The following CDH13 variants were observed in gnomAD, a reference collection of about 807,000 sequenced individuals.
CDH13 encodes cadherin-13.
Under a neutral mutation model 63.8 loss-of-function variants are expected in CDH13, and 24 were observed. The ratio of observed to expected loss-of-function variants is 0.38; its 90% confidence interval spans 0.27 to 0.53. The LOEUF is 0.53. CDH13 is among the 20% of genes least tolerant of loss of function. CDH13 has a pLI of 0.85. For synonymous variants in CDH13, 503 were observed against 355.3 expected, an observed-to-expected ratio of 1.42 and a Z score of -4.67; for missense variants, 1,049 against 903.1, an observed-to-expected ratio of 1.16 and a Z score of -2.07.
intron 1 of CDH13, among the ~76,000 whole-genome samples, chr16:82,746,249 TTATATA>T (rs1226739240): frequency 1.2e-5 from 1 of 84,490 alleles, no homozygotes; most frequent in African/African-American, 3.2e-5. Flanking sequence ...AACACACTGT[TTATATA>T]TATGTGTTTA....
intron 2 of CDH13, among the ~76,000 whole-genome samples, chr16:82,991,694 A>G (rs971688727): frequency 2.0e-5 from 3 of 152,222 alleles, no homozygotes; most frequent in Non-Finnish European, 4.4e-5. Context: ...TGATGTGAAC[A>G]TTGCGTGTGG....
intron 6 of CDH13, among the ~76,000 whole-genome samples, chr16:83,353,661 A>G (rs958890997): frequency 3.3e-5 from 5 of 152,232 alleles, no homozygotes; most frequent in African/African-American, 1.2e-4. Flanking sequence ...AGCTCAAGAG[A>G]TGGACACCCC....
chr16:83,323,576 T>C (rs1043260832), intron 5 of CDH13, among the ~76,000 whole-genome samples: 12 of 152,126 alleles, frequency 7.9e-5, no homozygotes, highest in African/African-American at 2.9e-4. Context: ...CTACCGCGCC[T>C]GGCCAAAGAC....
At chr16:83,345,288 A>G (rs540889746) in intron 6 of CDH13, among the ~76,000 whole-genome samples, 2 of 152,192 alleles carry the variant, frequency 1.3e-5, no homozygotes, top group Non-Finnish European at 2.9e-5. Flanking sequence ...GCACCATGTA[A>G]ATATCCAGCT....
intron 1 of CDH13, among the ~76,000 whole-genome samples, chr16:82,712,577 C>T (rs1167820914): frequency 6.6e-6 from 1 of 152,194 alleles, no homozygotes; most frequent in Non-Finnish European, 1.5e-5. Context: ...TGTCCTTTGT[C>T]CCTTTCTCAC....
intron 10 of CDH13, among the ~76,000 whole-genome samples, chr16:83,688,698 G>A (rs950782057): frequency 3.9e-5 from 6 of 152,084 alleles, no homozygotes; most frequent in African/African-American, 1.4e-4. Context: ...GTTTACAGTG[G>A]TGTCTTTGTA....
At chr16:83,578,541 C>G (rs925181420) in intron 7 of CDH13, among the ~76,000 whole-genome samples, 2 of 152,178 alleles carry the variant, frequency 1.3e-5, no homozygotes, top group African/African-American at 4.8e-5. Flanking sequence ...GAAGCCTGAG[C>G]TGACCCTTCA....
rs745991026 is a variant in CDH13, at chr16:82,627,024, A to T, written c.-69A>T. On this transcript the variant is annotated 5_prime_UTR_variant, in exon 1 of 14. Coordinates refer to ENST00000567109, the MANE Select transcript of CDH13 (RefSeq NM_001257.5). ...AGCCTCTCCTCAAAGCCTGGCTCCC[A>T]CGGAAAATATGCTCAGTGCAGCCGC... is the stretch of plus-strand genomic sequence containing the variant. 1.3e-6 allele frequency: 2 copies of T among 1,547,080 alleles called. No individual in the cohort carries two copies. The highest frequency in any genetic ancestry group is 1.8e-6 in the Non-Finnish European group (2 of 1,141,574).
chr16:83,581,193 A>G (rs1046681519), intron 7 of CDH13, among the ~76,000 whole-genome samples: 26 of 152,174 alleles, frequency 1.7e-4, no homozygotes, highest in Non-Finnish European at 2.9e-5. Context: ...GCACGTGGGC[A>G]TTTGGAAAGC....
intron 5 of CDH13, among the ~76,000 whole-genome samples, chr16:83,299,835 C>G (rs149253868): frequency 1.5e-4 from 23 of 152,260 alleles, no homozygotes; most frequent in African/African-American, 5.3e-4. Context: ...ATGATGAGCT[C>G]ACAGCTTAGT....
rs556560053 is a variant in CDH13, at chr16:83,589,274, C to G, written c.961-13180C>G. On this transcript the variant is annotated intron_variant, in intron 7 of 13. Coordinates refer to ENST00000567109, the MANE Select transcript of CDH13 (RefSeq NM_001257.5). ...TCTCTCTTTCCCCTTATTCTTTCTC[C>G]CTTTCCCCCCCCCGGACCCCTCTCC... Among the ~76,000 whole-genome samples, 8 of 51,520 alleles carry G rather than the reference C, an allele frequency of 1.6e-4. No individual in the cohort carries two copies. The East Asian group carries it at 2.6e-3, about 17-fold the overall frequency. 33.8% of individuals were successfully genotyped at this position (51,520 alleles called of 152,430 possible).
intron 1 of CDH13, among the ~76,000 whole-genome samples, chr16:82,653,884 A>G (rs1911010391): frequency 6.6e-6 from 1 of 152,124 alleles, no homozygotes; most frequent in Admixed American, 6.5e-5. Context: ...CAAGGCCCTG[A>G]GAGAGAAGAG....
At chr16:82,968,482 G>A (rs1366132741) in intron 2 of CDH13, among the ~76,000 whole-genome samples, 1 of 152,162 alleles carries the variant, frequency 6.6e-6, no homozygotes. Context: ...GCATACTCAT[G>A]GCCCTGCCAG....
chr16:83,488,968 G>A (rs1032844926), intron 7 of CDH13, among the ~76,000 whole-genome samples: 5 of 152,030 alleles, frequency 3.3e-5, no homozygotes, highest in Non-Finnish European at 5.9e-5. Flanking sequence ...TTCTTTTGGA[G>A]GCCAGTGATG....
chr16:82,664,790 A>G (rs1043803714), intron 1 of CDH13, among the ~76,000 whole-genome samples: 1 of 152,238 alleles, frequency 6.6e-6, no homozygotes, highest in Non-Finnish European at 1.5e-5. Flanking sequence ...ATGAAACAGT[A>G]ACAACAACAT....
intron 5 of CDH13, among the ~76,000 whole-genome samples, chr16:83,274,114 G>A (rs893249482): frequency 7.9e-5 from 12 of 152,160 alleles, no homozygotes; most frequent in African/African-American, 1.4e-4. Flanking sequence ...AGGCCAGGCC[G>A]TCTCCTCCAT....
At chr16:82,835,068 G>T (rs1166537356) in intron 1 of CDH13, among the ~76,000 whole-genome samples, 2 of 152,162 alleles carry the variant, frequency 1.3e-5, no homozygotes, top group African/African-American at 4.8e-5. Flanking sequence ...GACGTTAATT[G>T]TAGTGTGTTT....
intron 6 of CDH13, among the ~76,000 whole-genome samples, chr16:83,413,115 G>T (rs2092151486): frequency 6.6e-6 from 1 of 152,130 alleles, no homozygotes; most frequent in African/African-American, 2.4e-5. Flanking sequence ...TTCACAGTCT[G>T]TATTTAATTG....
chr16:83,298,192 A>C (rs2089648883), intron 5 of CDH13, among the ~76,000 whole-genome samples: 1 of 152,054 alleles, frequency 6.6e-6, no homozygotes, highest in South Asian at 2.1e-4. Flanking sequence ...GTAGCGAGCA[A>C]TGATCGCCCC....
Sources: allele counts gnomAD v4.1 joint callset (sites outside exome capture counted in the v4.1 genomes callset), GRCh38; gene constraint gnomAD v4.1.1; transcripts MANE v1.5; gene names NCBI Gene and HGNC (gene_info 2026-07-23, HGNC 2026-07-21).